MCTP1: variants seen among roughly 807,000 people sequenced by gnomAD.
MCTP1 encodes multiple C2 and transmembrane domain-containing protein 1.
In MCTP1, 69 loss-of-function variants were observed where a neutral mutation model predicts 120.6. The ratio of observed to expected loss-of-function variants is 0.57; its 90% CI spans 0.47 to 0.70. The LOEUF is 0.70. Among genes scored for constraint, MCTP1 ranks in the 30% least tolerant of loss-of-function variants. The pLI, the probability that MCTP1 is intolerant of heterozygous loss-of-function variation, is 0.00. For missense variants in MCTP1, 1,203 were observed against 1,248.8 expected (o/e 0.96, Z 0.55); for synonymous variants, 529 against 493.1 (o/e 1.07, Z -0.96).
At chr5:95,143,372 T>C (rs1482428595) in intron 1 of MCTP1, among the ~76,000 whole-genome samples, 3 of 152,188 alleles carry the variant, frequency 2.0e-5, no homozygotes, top group Non-Finnish European at 4.4e-5. Context: ...ATAAATAAAA[T>C]TTCTAGGAGC....
intron 1 of MCTP1, among the ~76,000 whole-genome samples, chr5:95,049,286 C>T (rs1210481829): frequency 1.3e-5 from 2 of 152,124 alleles, no homozygotes; most frequent in South Asian, 4.1e-4. Flanking sequence ...AGGAACAACA[C>T]TCTCATTCAA....
intron 1 of MCTP1, among the ~76,000 whole-genome samples, chr5:95,128,650 G>T (rs1469806942): frequency 6.6e-6 from 1 of 152,218 alleles, no homozygotes; most frequent in East Asian, 1.9e-4. Flanking sequence ...TGGATTAGTG[G>T]TTGCTTAGGA....
intron 17 of MCTP1, among the ~76,000 whole-genome samples, chr5:94,806,928 T>C (rs1481911968): frequency 6.6e-6 from 1 of 152,182 alleles, no homozygotes; most frequent in South Asian, 2.1e-4. Flanking sequence ...TACAAAACAA[T>C]TAATTATTTC....
chr5:95,214,249 A>C (rs1251094006), intron 1 of MCTP1, among the ~76,000 whole-genome samples: 7 of 152,254 alleles, frequency 4.6e-5, no homozygotes, highest in African/African-American at 1.2e-4. Context: ...ATGCAGCCAA[A>C]AGACACATGA....
chr5:95,203,649 G>C (rs1317030373), intron 1 of MCTP1, among the ~76,000 whole-genome samples: 1 of 152,170 alleles, frequency 6.6e-6, no homozygotes, highest in Non-Finnish European at 1.5e-5. Flanking sequence ...GAATTCATAA[G>C]TTAGTAAGTA....
chr5:94,719,487 TA>T (rs1235903763), intron 19 of MCTP1, among the ~76,000 whole-genome samples: 10 of 151,980 alleles, frequency 6.6e-5, no homozygotes, highest in Non-Finnish European at 1.3e-4. Context: ...TATGCAGACA[TA>T]AAAAAGGAAC....
intron 12 of MCTP1, among the ~76,000 whole-genome samples, chr5:94,880,241 G>A (rs983239182): frequency 2.0e-5 from 3 of 152,088 alleles, no homozygotes; most frequent in Non-Finnish European, 2.9e-5. Context: ...GGTCTAAAAT[G>A]AGAATAAAAA....
chr5:94,918,827 C>G (rs887423084), intron 7 of MCTP1, among the ~76,000 whole-genome samples: 1 of 152,104 alleles, frequency 6.6e-6, no homozygotes, highest in African/African-American at 2.4e-5. Context: ...CTGCTGTTTT[C>G]GCACTCCAGT....
intron 1 of MCTP1, among the ~76,000 whole-genome samples, chr5:95,033,657 A>G (rs1006066840): frequency 6.6e-6 from 1 of 152,100 alleles, no homozygotes. Flanking sequence ...TTTCCCCTAC[A>G]AACTGGAACA....
intron 11 of MCTP1, among the ~76,000 whole-genome samples, chr5:94,889,585 A>G (rs964836328): frequency 1.3e-5 from 2 of 152,126 alleles, no homozygotes; most frequent in Non-Finnish European, 1.5e-5. Flanking sequence ...CAAGACTCCA[A>G]CTCAAAAAAA....
chr5:94,717,725 CAT>C (rs1236711472), intron 19 of MCTP1, among the ~76,000 whole-genome samples: 1 of 151,916 alleles, frequency 6.6e-6, no homozygotes, highest in African/African-American at 2.4e-5. Context: ...ATACACCAAC[CAT>C]AGACAAGCAG....
At chr5:95,101,997 T>G (rs1756769029) in intron 1 of MCTP1, among the ~76,000 whole-genome samples, 1 of 152,156 alleles carries the variant, frequency 6.6e-6, no homozygotes, top group Non-Finnish European at 1.5e-5. Context: ...TTGTGGTAAA[T>G]TGTGAATGTA....
intron 17 of MCTP1, among the ~76,000 whole-genome samples, chr5:94,821,942 C>A (rs1029331379): frequency 6.6e-6 from 1 of 152,076 alleles, no homozygotes; most frequent in Non-Finnish European, 1.5e-5. Context: ...TACGTTATAC[C>A]ATTAGCTTGA....
At chr5:95,242,139 A>G (rs1241069152) in intron 1 of MCTP1, among the ~76,000 whole-genome samples, 3 of 152,154 alleles carry the variant, frequency 2.0e-5, no homozygotes, top group African/African-American at 7.2e-5. Flanking sequence ...TTTTTAACTA[A>G]GAAATGAATA....
intron 1 of MCTP1, among the ~76,000 whole-genome samples, chr5:95,117,827 G>A (rs1201663487): frequency 1.3e-5 from 2 of 152,192 alleles, no homozygotes; most frequent in African/African-American, 4.8e-5. Flanking sequence ...GCAATACTAT[G>A]CAGCCATAAA....
chr5:95,233,061 C>T (rs1245546179), intron 1 of MCTP1, among the ~76,000 whole-genome samples: 1 of 152,142 alleles, frequency 6.6e-6, no homozygotes, highest in Non-Finnish European at 1.5e-5. Flanking sequence ...AATAAATAGA[C>T]AGAAATCCAG....
intron 19 of MCTP1, among the ~76,000 whole-genome samples, chr5:94,764,996 C>A (rs1467493595): frequency 6.6e-6 from 1 of 151,946 alleles, no homozygotes; most frequent in Non-Finnish European, 1.5e-5. Context: ...TATATTAGGC[C>A]ACGAAACAAC....
At chr5:95,276,715 G>A (rs369113561) in intron 1 of MCTP1, among the ~76,000 whole-genome samples, 7 of 151,454 alleles carry the variant, frequency 4.6e-5, no homozygotes, top group African/African-American at 1.7e-4. Context: ...TTTGGGAGGC[G>A]GCTGAGGCAG....
intron 1 of MCTP1, among the ~76,000 whole-genome samples, chr5:95,091,598 C>A (rs929886460): frequency 3.9e-5 from 6 of 152,128 alleles, no homozygotes; most frequent in Non-Finnish European, 5.9e-5. Context: ...TGTGAGGAAG[C>A]CCAACTAGCC....
Sources: gnomAD v4.1 joint callset for allele counts (sites outside exome capture counted in the v4.1 genomes callset) on GRCh38, gnomAD v4.1.1 for gene constraint, MANE v1.5 for transcripts, NCBI Gene and HGNC (gene_info 2026-07-23, HGNC 2026-07-21) for gene names.